Variants in GNA11 observed in about 807,000 individuals in gnomAD.
The protein encoded by GNA11 is guanine nucleotide-binding protein subunit alpha-11.
A neutral mutation model predicts 38.2 loss-of-function variants in GNA11; 8 were observed. The observed-to-expected ratio is 0.21, with a 90% CI of 0.12 to 0.38. GNA11 has a LOEUF of 0.38. GNA11 is among the 10% of genes least tolerant of loss of function. GNA11 has a pLI of 1.00. For missense variants in GNA11, 268 were observed against 516.3 expected (o/e 0.52, Z 4.66); for synonymous variants, 211 against 221.4 (o/e 0.95, Z 0.42).
chr19:3,094,547 C>T lies in GNA11; in HGVS notation c.-105C>T. On this transcript the variant is annotated 5_prime_UTR_variant, in exon 1 of 7. Transcript: ENST00000078429. This position sits in a 1 kb window ranked among gnomAD's most constrained non-coding sequence, Gnocchi z 6.0. ...CGGGGCCGAGGGCCGGTGGCCGAGGCCGGAGGGCCGCGGCGGGCGGCGGCC... is the reference window on the plus strand; with the variant it reads ...CGGGGCCGAGGGCCGGTGGCCGAGGTCGGAGGGCCGCGGCGGGCGGCGGCC... 2.8e-6 allele frequency: 1 copy of T among 354,290 alleles called. No homozygotes were observed. Among genetic ancestry groups the T allele is most frequent in the South Asian group, 1.1e-4 (1 of 9,088 alleles). 21.9% of individuals were successfully genotyped at this position (354,290 alleles called of 1,614,324 possible).
chr19:3,109,624 G>A (rs1035893528), intron 1 of GNA11, among the ~76,000 whole-genome samples: 11 of 152,216 alleles, frequency 7.2e-5, no homozygotes, highest in African/African-American at 2.7e-4. Context: ...TGCGCAGGGG[G>A]CAGTGTGGCC....
Position 3,120,938 on chromosome 19 carries a change from C to T in GNA11, c.890-51C>T. The T allele has an allele frequency of 6.3e-6, 9 of 1,422,296 alleles. No homozygotes were observed. The highest frequency in any genetic ancestry group is 8.8e-6 in the Non-Finnish European group (9 of 1,020,478). 88.1% of individuals were successfully genotyped at this position (1,422,296 alleles called of 1,614,324 possible). On this transcript the variant is annotated intron_variant, in intron 6 of 6. Coordinates refer to ENST00000078429, the MANE Select transcript of GNA11 (RefSeq NM_002067.5). The surrounding 1 kb of genome is among the most constrained non-coding windows in gnomAD (Gnocchi z 5.9). ...GGAGTGACAAAGGGGCCCACGAGTC[C>T]CTTGCCCTGGGCCGGGCTGGGGCAC...
Position 3,123,023 on chromosome 19 carries a change from G to C in GNA11, c.*1844G>C. 4.3e-6 allele frequency: 1 copy of C among 233,338 alleles called. No individual in the cohort carries two copies. Among genetic ancestry groups the C allele is most frequent in the Non-Finnish European group, 8.5e-6 (1 of 118,090 alleles). 14.5% of individuals were successfully genotyped at this position (233,338 alleles called of 1,614,324 possible). The stretch of plus-strand genomic sequence containing the variant: ...TTTGTGCCAGGTGTCTACCTAAGAG[G>C]GTTGGTGCCAGAAGCCCCCCATGGC... On this transcript the variant is annotated 3_prime_UTR_variant, in exon 7 of 7. Transcript: ENST00000078429.
intron 1 of GNA11, among the ~76,000 whole-genome samples, chr19:3,103,830 C>A (rs1036821125): frequency 6.6e-6 from 1 of 151,968 alleles, no homozygotes; most frequent in African/African-American, 2.4e-5. Context: ...AGCTTTCAGG[C>A]GCCTGCCACC....
intron 4 of GNA11, among the ~76,000 whole-genome samples, chr19:3,115,761 C>A (rs1369754543): frequency 2.3e-5 from 2 of 85,594 alleles, no homozygotes; most frequent in Non-Finnish European, 4.3e-5. Context: ...GAGGAGGGGT[C>A]ATAGGGACCG....
chr19:3,098,783 G>A (rs1262105319), intron 1 of GNA11, among the ~76,000 whole-genome samples: 1 of 152,184 alleles, frequency 6.6e-6, no homozygotes, highest in Non-Finnish European at 1.5e-5. Context: ...AGAAGACTCT[G>A]GGAGCAGGAA....
rs1224871563 is a variant in GNA11, at chr19:3,119,898, C to A, written c.889+539C>A. Reference sequence around the variant, plus strand: ...GGACCCGTCCCTCCCTACGTGGCCCCTGCCCCACGGGGTGTGTCAGGGCAG... The same window carrying A: ...GGACCCGTCCCTCCCTACGTGGCCCATGCCCCACGGGGTGTGTCAGGGCAG... On this transcript the variant is annotated intron_variant, in intron 6 of 6. Transcript: ENST00000078429. This position sits in a 1 kb window ranked among gnomAD's most constrained non-coding sequence, Gnocchi z 4.6. 6.6e-6 allele frequency among the ~76,000 whole-genome samples: 1 copy of A among 152,066 alleles called. No individual in the cohort carries two copies. Among genetic ancestry groups the A allele is most frequent in the African/African-American group, 2.4e-5 (1 of 41,392 alleles).
intron 1 of GNA11, among the ~76,000 whole-genome samples, chr19:3,107,345 C>T (rs1036202322): frequency 7.2e-5 from 11 of 152,194 alleles, no homozygotes; most frequent in African/African-American, 1.4e-4. Flanking sequence ...CCGGCATCCT[C>T]GCTGAGAGCT....
intron 1 of GNA11, among the ~76,000 whole-genome samples, chr19:3,096,289 G>A (rs1913363900): frequency 6.8e-6 from 1 of 147,792 alleles, no homozygotes; most frequent in African/African-American, 2.5e-5. Context: ...CCAGGGGGCC[G>A]CGGGTAGGCA....
Position 3,110,426 on chromosome 19 carries a change from C to G in GNA11, c.321+93C>G. The G allele has an allele frequency of 1.9e-6, 2 of 1,029,576 alleles. No individual in the cohort carries two copies. The highest frequency in any genetic ancestry group is 2.9e-6 in the Non-Finnish European group (2 of 690,982). 63.8% of individuals were successfully genotyped at this position (1,029,576 alleles called of 1,614,324 possible). A position where few individuals can be genotyped will look rare whatever the true frequency, so the allele number is the denominator to read the frequency against. ...CCGCGCTGCCAGGGTGGGGCCATGC[C>G]GGGGGTCCCGGCCGGCCCAGGCTAC... On this transcript the variant is annotated intron_variant, in intron 2 of 6. Transcript: ENST00000078429. The surrounding 1 kb of genome is among the most constrained non-coding windows in gnomAD (Gnocchi z 5.4).
In GNA11 at chr19:3,094,704, C is replaced by A; in HGVS notation, c.53C>A (p.Ser18Tyr). Residue 18 changes from serine (S) to tyrosine (Y), a missense_variant, in exon 1 of 7, where the codon TCC becomes TAC. Coordinates refer to ENST00000078429, the MANE Select transcript of GNA11 (RefSeq NM_002067.5). The surrounding 1 kb of genome is among the most constrained non-coding windows in gnomAD (Gnocchi z 6.0). Reference protein sequence around the residue: ...ACCLSDEVKESKRINAEIEKQ... With the variant: ...ACCLSDEVKEYKRINAEIEKQ... ...TGCCTGAGCGATGAGGTGAAGGAGT[C>A]CAAGCGGATCAACGCCGAGATCGAG... The A allele has an allele frequency of 6.3e-7, 1 of 1,587,040 alleles. No homozygotes were observed. Among genetic ancestry groups the A allele is most frequent in the African/African-American group, 1.4e-5 (1 of 71,648 alleles).
At chr19:3,098,283 C>T (rs74811768) in intron 1 of GNA11, among the ~76,000 whole-genome samples, 3,501 of 152,342 alleles carry the variant, frequency 0.023, 43 homozygotes, top group African/African-American at 0.04. Flanking sequence ...ACGCTGCTCC[C>T]GCCTCCGTCC....
chr19:3,109,741 C>G (rs138588660), intron 1 of GNA11, among the ~76,000 whole-genome samples: 1 of 152,344 alleles, frequency 6.6e-6, no homozygotes, highest in African/African-American at 2.4e-5. Context: ...GCCGCCACGT[C>G]TGTGTGCTGT....
chr19:3,121,263 T>C lies in GNA11; in HGVS notation c.*84T>C, dbSNP rs546094299. ...CCTGCGGCTGCCGGGCGGGTGGCGC[T>C]GCCGAGTCCGGGCCGGGGCCTCTGC... is the stretch of plus-strand genomic sequence containing the variant. On this transcript the variant is annotated 3_prime_UTR_variant, in exon 7 of 7. Transcript: ENST00000078429. The C allele has an allele frequency of 1.8e-5, 19 of 1,072,662 alleles. No individual in the cohort carries two copies. The East Asian group carries it at 4.4e-4, about 25-fold the overall frequency. The allele number at this position is 1,072,662 out of a possible 1,614,324, so 66.4% of individuals were successfully genotyped here.
chr19:3,103,263 G>C (rs1217817555), intron 1 of GNA11, among the ~76,000 whole-genome samples: 2 of 151,888 alleles, frequency 1.3e-5, no homozygotes, highest in Non-Finnish European at 2.9e-5. Context: ...GCCCAGGCTG[G>C]AGTGCAGTGG....
Position 3,121,146 on chromosome 19 carries a change from G to A in GNA11, c.1047G>A (p.Leu349=), listed in dbSNP as rs1914062215. 2 of 1,613,580 alleles carry A rather than the reference G, an allele frequency of 1.2e-6. No individual in the cohort carries two copies. The highest frequency in any genetic ancestry group is 1.3e-5 in the African/African-American group (1 of 74,896). ...TCGCGGCCGTGAAGGACACCATCCT[G>A]CAGCTCAACCTCAAGGAGTACAACC... ...FVFAAVKDTI[L]QLNLKEYNLV Residue 349 remains leucine (L), a synonymous_variant, in exon 7 of 7, where the codon CTG becomes CTA. Transcript: ENST00000078429.
intron 1 of GNA11, among the ~76,000 whole-genome samples, chr19:3,099,458 T>G (rs1161369901): frequency 6.6e-6 from 1 of 152,086 alleles, no homozygotes; most frequent in Non-Finnish European, 1.5e-5. Context: ...AGAACCGGGA[T>G]CCTAAGTGCC....
chr19:3,097,753 C>T lies in GNA11; in HGVS notation c.136+2966C>T, dbSNP rs560761156. ...CGCGGCGGCTAAAATGTGCTGTTCA[C>T]GCCTCAGATGGGCCTCTCCGTTACG... On this transcript the variant is annotated intron_variant, in intron 1 of 6. Transcript: ENST00000078429. Among the ~76,000 whole-genome samples, 5 of 151,464 alleles carry T rather than the reference C, an allele frequency of 3.3e-5. No individual in the cohort carries two copies. In the South Asian group the frequency reaches 1.1e-3, roughly 33 times the overall value.
At position 3,108,773 on chromosome 19, in the gene GNA11, GTC is replaced by G. The variant is rs1236346564; in HGVS notation, c.137-1371_137-1370del. Among the ~76,000 whole-genome samples, 1 of 152,196 alleles carries G rather than the reference GTC, an allele frequency of 6.6e-6. No homozygotes were observed. The highest frequency in any genetic ancestry group is 1.5e-5 in the Non-Finnish European group (1 of 68,040). On this transcript the variant is annotated intron_variant, in intron 1 of 6. Transcript: ENST00000078429. The surrounding 1 kb of genome is among the most constrained non-coding windows in gnomAD (Gnocchi z 4.5). ...CTTTGTTGAGTGATCCTGGCTTGGG[GTC>G]TCTCAGAAGTTGTAGTCAGGATACC...
Sources: allele counts gnomAD v4.1 joint callset (sites outside exome capture counted in the v4.1 genomes callset), GRCh38; gene constraint gnomAD v4.1.1; non-coding constraint Gnocchi (gnomAD v3.1); transcripts MANE v1.5; gene names NCBI Gene and HGNC (gene_info 2026-07-23, HGNC 2026-07-21).